The following TTLL8 variants were observed in gnomAD, a reference collection of about 807,000 sequenced individuals.
TTLL8 encodes the protein protein monoglycylase TTLL8.
In TTLL8, 65 loss-of-function variants were observed where a neutral mutation model predicts 77.8. The observed-to-expected ratio is 0.84, with a 90% CI of 0.68 to 1.03. The LOEUF is 1.03. Ranked by LOEUF, TTLL8 falls within the 50% of genes least tolerant of loss-of-function variation. TTLL8 has a pLI of 0.00. For missense variants in TTLL8, 910 were observed against 1,004.5 expected (o/e 0.91, Z 1.27); for synonymous variants, 402 against 422.8 (o/e 0.95, Z 0.60).
upstream of TTLL8, among the ~76,000 whole-genome samples, chr22:50,058,263 G>T (rs1038387171): frequency 2.7e-5 from 4 of 150,160 alleles, no homozygotes; most frequent in Admixed American, 2.0e-4. The surrounding 1 kb of genome is among the most constrained non-coding windows in gnomAD (Gnocchi z 4.2). Flanking sequence ...GGCGGCTGCT[G>T]GGCCCGTGGC....
chr22:50,030,069 A>G (rs2061275568), intron 12 of TTLL8: 3 of 766,882 alleles, frequency 3.9e-6, no homozygotes, highest in East Asian at 1.3e-4. Flanking sequence ...TCGCTCGGCC[A>G]GGGAGCTTGG....
chr22:50,034,583 C>CT lies in TTLL8; in HGVS notation c.922-122dup. On this transcript the variant is annotated intron_variant, in intron 8 of 13. Transcript: ENST00000266182. This position sits in a 1 kb window ranked among gnomAD's most constrained non-coding sequence, Gnocchi z 4.1. The stretch of plus-strand genomic sequence containing the variant: ...TCACCCACCAAGCAGGCGCTCGGCT[C>CT]TAGGATGGTCTGGGGCTGGCCTGGC... 9.2e-7 allele frequency: 1 copy of CT among 1,088,306 alleles called. No individual in the cohort carries two copies. The highest frequency in any genetic ancestry group is 1.4e-5 in the South Asian group (1 of 70,404). 67.4% of individuals were successfully genotyped at this position (1,088,306 alleles called of 1,614,324 possible). A position where few individuals can be genotyped will look rare whatever the true frequency, so the allele number is the denominator to read the frequency against.
At chr22:50,047,128 C>G (rs1216275290) in intron 4 of TTLL8, 40 bp downstream of exon 6, 5 of 1,364,152 alleles carry the variant, frequency 3.7e-6, no homozygotes, top group South Asian at 1.1e-5. Flanking sequence ...TCCCCACCAC[C>G]CTTGCCGGCT....
At chr22:50,040,631 A>G (rs1569228665) in intron 8 of TTLL8, among the ~76,000 whole-genome samples, 1 of 152,236 alleles carries the variant, frequency 6.6e-6, no homozygotes, top group Non-Finnish European at 1.5e-5. Context: ...CTGTACAAAT[A>G]TGATTATACA....
intron 5 of TTLL8, 120 bp from the exon 8 acceptor site, chr22:50,045,509 C>A: frequency 1.2e-6 from 1 of 852,118 alleles, no homozygotes; most frequent in South Asian, 1.5e-5. Flanking sequence ...GCCGATGGGG[C>A]CCAGGCCTGC....
Position 50,034,521 on chromosome 22 carries a change from C to G in TTLL8, c.922-59G>C. On this transcript the variant is annotated intron_variant, in intron 8 of 13. Transcript: ENST00000266182. This position sits in a 1 kb window ranked among gnomAD's most constrained non-coding sequence, Gnocchi z 4.1. ...AGCATCGCCACTACAAAGCAAGATC[C>G]AGAAAGTGCATGAGACTTGGAGGCC... 2.3e-6 allele frequency: 3 copies of G among 1,327,226 alleles called. No individual in the cohort carries two copies. The highest frequency in any genetic ancestry group is 3.0e-6 in the Non-Finnish European group (3 of 1,003,354). The allele number at this position is 1,327,226 out of a possible 1,614,324, so 82.2% of individuals were successfully genotyped here. A position where few individuals can be genotyped will look rare whatever the true frequency, so the allele number is the denominator to read the frequency against.
chr22:50,045,714 G>GCCATGA, intron 5 of TTLL8, 142 bp downstream of exon 7: 2 of 1,202,092 alleles, frequency 1.7e-6, no homozygotes, highest in Non-Finnish European at 2.1e-6. Flanking sequence ...CCTCTGTACT[G>GCCATGA]CCATGACCAT....
At chr22:50,047,345 C>A in intron 3 of TTLL8, 49 bp from the exon 6 acceptor site, 1 of 1,352,446 alleles carries the variant, frequency 7.4e-7, no homozygotes, top group Non-Finnish European at 9.9e-7. Context: ...AGGTTCACAC[C>A]AGCCAGGATG....
chr22:50,025,951 A>C (rs563527183), intron 12 of TTLL8, among the ~76,000 whole-genome samples: 1 of 152,308 alleles, frequency 6.6e-6, no homozygotes, highest in South Asian at 2.1e-4. Flanking sequence ...AAACGCCACA[A>C]CCATATTGGA....
At position 50,041,572 on chromosome 22, in the gene TTLL8, A is replaced by G. The variant is rs372621104; in HGVS notation, c.830+49T>C. ...CTGCACTGCCCCGGCAGCTCCTGCA[A>G]TCTGCACTCACAGCTCCGACATGTG... On this transcript the variant is annotated intron_variant, in intron 7 of 13. Coordinates refer to ENST00000266182, the Ensembl canonical transcript of TTLL8. This position sits in a 1 kb window ranked among gnomAD's most constrained non-coding sequence, Gnocchi z 4.3. 3.5e-5 allele frequency: 45 copies of G among 1,295,070 alleles called. No homozygotes were observed. In the African/African-American group the frequency reaches 6.4e-4, roughly 18 times the overall value. 80.2% of individuals were successfully genotyped at this position (1,295,070 alleles called of 1,614,324 possible).
chr22:50,048,818 G>A (rs1240820696), intron 3 of TTLL8, among the ~76,000 whole-genome samples: 1 of 152,342 alleles, frequency 6.6e-6, no homozygotes, highest in East Asian at 1.9e-4. Flanking sequence ...TGGAGTGTTG[G>A]GAGCCCCGGA....
exon 10 of TTLL8, chr22:50,033,400 G>C (rs1284196229): frequency 7.3e-7 from 1 of 1,365,324 alleles, no homozygotes; most frequent in South Asian, 1.1e-5. Flanking sequence ...GTGGTCTGCA[G>C]CTGCCAGCTC....
chr22:50,035,956 G>A (rs2061333346), intron 8 of TTLL8, among the ~76,000 whole-genome samples: 1 of 152,246 alleles, frequency 6.6e-6, no homozygotes, highest in African/African-American at 2.4e-5. Flanking sequence ...GCTTTGGGGG[G>A]AGAAGGCTGT....
exon 11 of TTLL8, chr22:50,031,867 C>G: frequency 7.3e-7 from 1 of 1,367,314 alleles, no homozygotes; most frequent in Non-Finnish European, 9.8e-7. Context: ...GAAGTCAGCC[C>G]CGTAGAGCTC....
intron 3 of TTLL8, among the ~76,000 whole-genome samples, chr22:50,048,086 G>A (rs2061423238): frequency 6.6e-6 from 1 of 151,492 alleles, no homozygotes; most frequent in South Asian, 2.1e-4. Context: ...AACAGAGTGA[G>A]ACTCCATCTG....
Position 50,026,017 on chromosome 22 carries a change from C to T in TTLL8, c.2203+4413G>A, listed in dbSNP as rs1032077851. On this transcript the variant is annotated intron_variant, in intron 12 of 13. Coordinates refer to ENST00000266182, the Ensembl canonical transcript of TTLL8. ...AGCATCCTTCATGACGTAGTGGTGC[C>T]ACTCTTGGACACACAGCCAAGACAG... is the stretch of plus-strand genomic sequence containing the variant. Among the ~76,000 whole-genome samples the T allele has an allele frequency of 5.9e-5, 9 of 152,318 alleles. No individual in the cohort carries two copies. In the East Asian group the frequency reaches 1.5e-3, roughly 26 times the overall value.
chr22:50,023,273 C>T (rs540666507), intron 12 of TTLL8, among the ~76,000 whole-genome samples: 5 of 152,046 alleles, frequency 3.3e-5, no homozygotes, highest in African/African-American at 4.8e-5. Context: ...CCTAAATAAA[C>T]GTTGAGATAC....
chr22:50,058,052 G>A (rs1038334590), upstream of TTLL8, among the ~76,000 whole-genome samples: 7 of 151,486 alleles, frequency 4.6e-5, no homozygotes, highest in Non-Finnish European at 8.9e-5. This position sits in a 1 kb window ranked among gnomAD's most constrained non-coding sequence, Gnocchi z 4.2. Context: ...CCGGGTGTGG[G>A]AGGCGGGTCT....
chr22:50,026,649 G>C (rs925192041), intron 12 of TTLL8, among the ~76,000 whole-genome samples: 1 of 152,250 alleles, frequency 6.6e-6, no homozygotes. Context: ...TTGGAGAAGA[G>C]ACTAGAAAAG....
Sources: gnomAD v4.1 joint callset for allele counts (sites outside exome capture counted in the v4.1 genomes callset) on GRCh38, gnomAD v4.1.1 for gene constraint, Gnocchi (gnomAD v3.1) non-coding constraint, MANE v1.5 for transcripts, NCBI Gene and HGNC (gene_info 2026-07-23, HGNC 2026-07-21) for gene names.